Variants in CELF2 observed in about 807,000 individuals in gnomAD.
CELF2 encodes the protein CUGBP Elav-like family member 2.
A neutral mutation model predicts 62.6 loss-of-function variants in CELF2; 8 were observed. The ratio of observed to expected loss-of-function variants is 0.13; its 90% confidence interval spans 0.07 to 0.23. The LOEUF (loss-of-function observed/expected upper bound fraction) is 0.23, where lower values mean the gene tolerates loss of function less well. Among genes scored for constraint, CELF2 ranks in the 10% least tolerant of loss-of-function variants. CELF2 has a pLI of 1.00. For missense variants in CELF2, 333 were observed against 671.0 expected (o/e 0.50, Z 5.56); for synonymous variants, 258 against 250.0 (o/e 1.03, Z -0.30).
intron 1 of CELF2, among the ~76,000 whole-genome samples, chr10:10,871,641 CAAGA>C (rs910516140): frequency 6.6e-6 from 1 of 152,006 alleles, no homozygotes; most frequent in Non-Finnish European, 1.5e-5. Context: ...GGAAGGAAGA[CAAGA>C]AAGAAATCCC....
chr10:10,766,184 G>GAGGAGCCAATCCT, the CELF2 span, among the ~76,000 whole-genome samples: 1 of 152,200 alleles, frequency 6.6e-6, no homozygotes, highest in Admixed American at 6.5e-5. Flanking sequence ...TGGATGGTGA[G>GAGGAGCCAATCCT]AGGAGCCAAT....
intron 2 of CELF2, among the ~76,000 whole-genome samples, chr10:11,193,133 C>T (rs2076631179): frequency 6.6e-6 from 1 of 152,170 alleles, no homozygotes; most frequent in Admixed American, 6.5e-5. Context: ...AGATCTTCAG[C>T]CTCGCGTGGG....
chr10:11,108,816 T>C (rs1213301538), intron 1 of CELF2, among the ~76,000 whole-genome samples: 1 of 152,244 alleles, frequency 6.6e-6, no homozygotes, highest in Admixed American at 6.5e-5. Context: ...TTTATAAACT[T>C]CTTAGCCATT....
chr10:10,920,394 G>T (rs577959859), intron 2 of CELF2, among the ~76,000 whole-genome samples: 1 of 152,034 alleles, frequency 6.6e-6, no homozygotes, highest in Non-Finnish European at 1.5e-5. Flanking sequence ...CTGTGTTCAG[G>T]GACTTAGAGA....
chr10:10,971,370 C>G (rs927083521), intron 2 of CELF2, among the ~76,000 whole-genome samples: 1 of 152,192 alleles, frequency 6.6e-6, no homozygotes, highest in Non-Finnish European at 1.5e-5. Context: ...ACCCCCCTCA[C>G]CTTATACATT....
rs1191757919 is a variant in CELF2 at position 11,012,389 on chromosome 10, A to T, written c.53+6949A>T. Among the ~76,000 whole-genome samples the T allele has an allele frequency of 1.3e-5, 2 of 152,220 alleles. No individual in the cohort carries two copies. Among genetic ancestry groups the T allele is most frequent in the Middle Eastern group, 3.4e-3 (1 of 294 alleles). On this transcript the variant is annotated intron_variant, in intron 1 of 12. Transcript: ENST00000416382. This position sits in a 1 kb window ranked among gnomAD's most constrained non-coding sequence, Gnocchi z 5.5. ...TCTTAATCCTCACTCTTTTTTCAAG[A>T]TGTATTTGTTCAGAAAAAGGACAGA...
chr10:10,594,594 C>T, the CELF2 span, among the ~76,000 whole-genome samples: 1 of 152,168 alleles, frequency 6.6e-6, no homozygotes, highest in Non-Finnish European at 1.5e-5. Context: ...GACTGATCCA[C>T]ACAAGGATAT....
At position 10,990,115 on chromosome 10, in the gene CELF2, T is replaced by C. The variant is rs774212650; in HGVS notation, c.89+70116T>C. On this transcript the variant is annotated intron_variant, in intron 2 of 13. Transcript: ENST00000636488. The surrounding 1 kb of genome is among the most constrained non-coding windows in gnomAD (Gnocchi z 4.6). ...CCACATACATTCACAAGAATTTTCA[T>C]CTCAATGCTATATATAAAAGTAAAC... Among the ~76,000 whole-genome samples, 1 of 152,166 alleles carries C rather than the reference T, an allele frequency of 6.6e-6. No homozygotes were observed. The highest frequency in any genetic ancestry group is 1.5e-5 in the Non-Finnish European group (1 of 67,978).
chr10:11,086,944 G>A (rs1223823623), intron 1 of CELF2, among the ~76,000 whole-genome samples: 1 of 152,178 alleles, frequency 6.6e-6, no homozygotes, highest in Non-Finnish European at 1.5e-5. Context: ...TTTGAAGGAA[G>A]TATTAGGTCT....
chr10:11,093,010 C>T (rs993439132), intron 1 of CELF2, among the ~76,000 whole-genome samples: 10 of 152,218 alleles, frequency 6.6e-5, no homozygotes, highest in African/African-American at 1.7e-4. Flanking sequence ...CAATTCCGTC[C>T]ATTCCACTGT....
At chr10:11,048,768 A>G (rs2063323768) in intron 1 of CELF2, among the ~76,000 whole-genome samples, 1 of 152,254 alleles carries the variant, frequency 6.6e-6, no homozygotes, top group South Asian at 2.1e-4. Flanking sequence ...TCTGGTTCTT[A>G]TTCACTGACT....
chr10:11,047,769 A>T (rs987371655), intron 1 of CELF2, among the ~76,000 whole-genome samples: 1 of 152,160 alleles, frequency 6.6e-6, no homozygotes, highest in Non-Finnish European at 1.5e-5. Flanking sequence ...TACTGATTTC[A>T]GGCTAAATTT....
rs117719369 is a variant in CELF2, at chr10:11,257,591, G to A, written c.404-147G>A. ...GGCAGGGTGGGGCGCATGGAGGGAG[G>A]AGGACAGCTGGACGTCTGCAGAGTT... is the stretch of plus-strand genomic sequence containing the variant. On this transcript the variant is annotated intron_variant, in intron 4 of 12. Coordinates refer to ENST00000633077, the MANE Select transcript of CELF2 (RefSeq NM_001326342.2). 9.0e-4 allele frequency: 677 copies of A among 753,668 alleles called. 5 individuals carry two copies. The East Asian group carries it at 0.017, about 19-fold the overall frequency. 46.7% of individuals were successfully genotyped at this position (753,668 alleles called of 1,614,324 possible).
chr10:10,768,363 C>T, the CELF2 span, among the ~76,000 whole-genome samples: 5 of 151,942 alleles, frequency 3.3e-5, no homozygotes, highest in African/African-American at 7.3e-5. Context: ...CAGGGCAAAG[C>T]GCAACGTGTT....
chr10:10,768,975 T>G, the CELF2 span, among the ~76,000 whole-genome samples: 2 of 152,196 alleles, frequency 1.3e-5, no homozygotes, highest in Non-Finnish European at 2.9e-5. Flanking sequence ...TCCTTCTACC[T>G]GCCAAATATA....
rs1481533169 is a variant in CELF2 at position 11,039,143 on chromosome 10, C to G, written c.74+20980C>G. On this transcript the variant is annotated intron_variant, in intron 1 of 12. Transcript: ENST00000633077. The surrounding 1 kb of genome is among the most constrained non-coding windows in gnomAD (Gnocchi z 4.1). ...ACAGCCGAGTCCTGTGTCAGCTCTC[C>G]TATTAGCGTGGAGGACACTGAGAGC... Among the ~76,000 whole-genome samples the G allele has an allele frequency of 1.3e-5, 2 of 152,240 alleles. No homozygotes were observed. The highest frequency in any genetic ancestry group is 2.9e-5 in the Non-Finnish European group (2 of 68,044).
chr10:10,511,680 C>A, the CELF2 span, among the ~76,000 whole-genome samples: 1 of 152,080 alleles, frequency 6.6e-6, no homozygotes, highest in African/African-American at 2.4e-5. Context: ...ACTATGAGAT[C>A]TCGGGTAATT....
intron 1 of CELF2, among the ~76,000 whole-genome samples, chr10:11,062,011 C>T (rs957394981): frequency 3.9e-5 from 6 of 152,218 alleles, no homozygotes; most frequent in African/African-American, 1.4e-4. Context: ...GGGGTTTCAC[C>T]ATGTTGGCCA....
rs180855262 is a variant in CELF2, at chr10:11,242,884, G to A, written c.355-6269G>A. Among the ~76,000 whole-genome samples the A allele has an allele frequency of 6.6e-6, 1 of 152,170 alleles. No individual in the cohort carries two copies. Among genetic ancestry groups the A allele is most frequent in the Non-Finnish European group, 1.5e-5 (1 of 68,022 alleles). On this transcript the variant is annotated intron_variant, in intron 3 of 12. Transcript: ENST00000633077. This position sits in a 1 kb window ranked among gnomAD's most constrained non-coding sequence, Gnocchi z 4.8. ...AGGCCTGATGCTGGGAGGCTTGTGTGGTCCGCCACCAACAGATGGCTCCTA... is the reference window on the plus strand; with the variant it reads ...AGGCCTGATGCTGGGAGGCTTGTGTAGTCCGCCACCAACAGATGGCTCCTA...
Sources: gnomAD v4.1 joint callset for allele counts (sites outside exome capture counted in the v4.1 genomes callset) on GRCh38, gnomAD v4.1.1 for gene constraint, Gnocchi (gnomAD v3.1) non-coding constraint, MANE v1.5 for transcripts, NCBI Gene and HGNC (gene_info 2026-07-23, HGNC 2026-07-21) for gene names.